The following PCDH15 variants were observed in gnomAD, a reference collection of about 807,000 sequenced individuals.
PCDH15 encodes protocadherin-15.
Under a neutral mutation model 178.5 loss-of-function variants are expected in PCDH15, and 129 were observed. That is an observed-to-expected ratio of 0.72 (90% confidence interval 0.63 to 0.84). The LOEUF is 0.84. Ranked by LOEUF, PCDH15 falls within the 40% of genes least tolerant of loss-of-function variation. The pLI, the probability that PCDH15 is intolerant of heterozygous loss-of-function variation, is 0.00. For synonymous variants in PCDH15, 800 were observed against 732.0 expected, an observed-to-expected ratio of 1.09 and a Z score of -1.50; for missense variants, 2,230 against 2,099.9, an observed-to-expected ratio of 1.06 and a Z score of -1.21.
chr10:55,069,044 T>C (rs1418873626), intron 2 of PCDH15, among the ~76,000 whole-genome samples: 1 of 146,978 alleles, frequency 6.8e-6, no homozygotes, highest in Non-Finnish European at 1.5e-5. Flanking sequence ...ATTACAGGTA[T>C]GTTCCACCAT....
intron 18 of PCDH15, among the ~76,000 whole-genome samples, chr10:54,062,089 G>A (rs923875288): frequency 2.3e-4 from 35 of 151,708 alleles, no homozygotes; most frequent in African/African-American, 8.2e-4. Context: ...GCTGGGCATG[G>A]TGGAGGTTGC....
intron 3 of PCDH15, among the ~76,000 whole-genome samples, chr10:54,840,194 T>G (rs2133760228): frequency 6.6e-6 from 1 of 152,148 alleles, no homozygotes; most frequent in African/African-American, 2.4e-5. Context: ...GAATCAGTTT[T>G]ACCTCTAGTT....
At chr10:54,828,498 TGTGTA>T (rs1953167536) in intron 3 of PCDH15, among the ~76,000 whole-genome samples, 2 of 151,910 alleles carry the variant, frequency 1.3e-5, no homozygotes, top group African/African-American at 4.8e-5. Flanking sequence ...TGTATGTGTA[TGTGTA>T]TGTGTGTGTA....
chr10:55,370,118 CTA>C (rs1845467721), intron 2 of PCDH15, among the ~76,000 whole-genome samples: 1 of 152,100 alleles, frequency 6.6e-6, no homozygotes. Flanking sequence ...AAAATCTAGA[CTA>C]TTCCTTAAAT....
rs57024579 is a variant in PCDH15 at position 54,189,925 on chromosome 10, A to ATGTGTGTGTG, written c.1306-4667_1306-4658dup. Reference sequence around the variant, plus strand: ...TTCATATATGTATACATGCATGTGTATGTGTGTGTGTGTGTGTGTGTGTGT... The same window carrying ATGTGTGTGTG: ...TTCATATATGTATACATGCATGTGTATGTGTGTGTGTGTGTGTGTGTGTGTGTGTGTGTGT... On this transcript the variant is annotated intron_variant, in intron 11 of 37. Transcript: ENST00000644397. Among the ~76,000 whole-genome samples, 95 of 141,478 alleles carry ATGTGTGTGTG rather than the reference A, an allele frequency of 6.7e-4. 1 individual carries two copies. The highest frequency in any genetic ancestry group is 5.0e-4 in the Admixed American group (7 of 14,096). The allele number at this position is 141,478 out of a possible 152,430, so 92.8% of individuals were successfully genotyped here. A position where few individuals can be genotyped will look rare whatever the true frequency, so the allele number is the denominator to read the frequency against.
intron 17 of PCDH15, among the ~76,000 whole-genome samples, chr10:54,077,927 G>C (rs1233400596): frequency 6.6e-6 from 1 of 152,102 alleles, no homozygotes; most frequent in Non-Finnish European, 1.5e-5. Flanking sequence ...GCCAGGCGTG[G>C]TATCATATGC....
At chr10:54,619,452 A>G (rs1011132505) in intron 2 of PCDH15, 6 of 152,090 alleles carry the variant, frequency 3.9e-5, no homozygotes, top group Admixed American at 1.3e-4. Flanking sequence ...AGAATTTAAT[A>G]TAATTATTAC....
intron 3 of PCDH15, among the ~76,000 whole-genome samples, chr10:54,496,850 G>A (rs1241876822): frequency 6.6e-6 from 1 of 152,064 alleles, no homozygotes; most frequent in Non-Finnish European, 1.5e-5. Flanking sequence ...AAGATTATCA[G>A]CTTACGACCA....
intron 2 of PCDH15, among the ~76,000 whole-genome samples, chr10:54,949,240 T>C (rs1838272317): frequency 6.6e-6 from 1 of 151,938 alleles, no homozygotes; most frequent in Admixed American, 6.6e-5. Flanking sequence ...TCAGCATGAC[T>C]GGAGAGGGCT....
At chr10:53,829,589 A>T (rs1372389413) in intron 30 of PCDH15, among the ~76,000 whole-genome samples, 1 of 152,206 alleles carries the variant, frequency 6.6e-6, no homozygotes, top group Non-Finnish European at 1.5e-5. Context: ...AATTTTGTTC[A>T]TCAGCTTTAG....
At chr10:55,234,874 AT>A (rs1841332233) in intron 1 of PCDH15, among the ~76,000 whole-genome samples, 1 of 151,418 alleles carries the variant, frequency 6.6e-6, no homozygotes, top group Admixed American at 6.6e-5. Context: ...TTTATATATT[AT>A]TTTTATTATC....
intron 1 of PCDH15, among the ~76,000 whole-genome samples, chr10:54,796,587 CT>C (rs1952040500): frequency 6.6e-6 from 1 of 151,878 alleles, no homozygotes; most frequent in South Asian, 2.1e-4. Flanking sequence ...CCACTTCTCT[CT>C]CTTTCTGTTC....
chr10:55,479,993 G>T (rs1021283388), intron 2 of PCDH15, among the ~76,000 whole-genome samples: 2 of 149,514 alleles, frequency 1.3e-5, no homozygotes, highest in African/African-American at 4.9e-5. Context: ...GCTCTTTTTT[G>T]GTTCCATATG....
intron 2 of PCDH15, among the ~76,000 whole-genome samples, chr10:55,444,187 G>C (rs1450590858): frequency 2.6e-5 from 4 of 151,708 alleles, no homozygotes; most frequent in Non-Finnish European, 4.4e-5. Flanking sequence ...TAATGTAGAT[G>C]ATGGGTGGAT....
At chr10:55,119,608 T>A (rs1407894983) in intron 2 of PCDH15, among the ~76,000 whole-genome samples, 2 of 152,174 alleles carry the variant, frequency 1.3e-5, no homozygotes, top group Non-Finnish European at 2.9e-5. Flanking sequence ...AACTTCTTCC[T>A]CTTCCTCTGA....
chr10:54,513,635 G>A (rs970270384), intron 3 of PCDH15, among the ~76,000 whole-genome samples: 4 of 151,928 alleles, frequency 2.6e-5, no homozygotes, highest in African/African-American at 9.7e-5. Flanking sequence ...ATACATGCAA[G>A]GTGAATTTTG....
At chr10:55,135,178 G>A (rs1838154620) in intron 2 of PCDH15, among the ~76,000 whole-genome samples, 1 of 151,992 alleles carries the variant, frequency 6.6e-6, no homozygotes, top group South Asian at 2.1e-4. Context: ...TGTGTAATTT[G>A]AGTCTATCAT....
chr10:54,910,315 G>T (rs1954797027), intron 2 of PCDH15, among the ~76,000 whole-genome samples: 1 of 152,078 alleles, frequency 6.6e-6, no homozygotes, highest in Non-Finnish European at 1.5e-5. Context: ...ATATTCCTGA[G>T]CAAAAAACTC....
chr10:54,930,975 TGATTG>T (rs771070189), intron 2 of PCDH15, among the ~76,000 whole-genome samples: 20,460 of 152,178 alleles, frequency 0.13, 1,556 homozygotes, highest in East Asian at 0.23. Context: ...TGAATTAGCA[TGATTG>T]ATGGCATGAT....
Sources: gnomAD v4.1 joint callset for allele counts (sites outside exome capture counted in the v4.1 genomes callset) on GRCh38, gnomAD v4.1.1 for gene constraint, MANE v1.5 for transcripts, NCBI Gene and HGNC (gene_info 2026-07-23, HGNC 2026-07-21) for gene names.